The following TMEM245 variants were observed in gnomAD, a reference collection of about 807,000 sequenced individuals.
The protein encoded by TMEM245 is transmembrane protein 245, also known as protein CG-2.
A neutral mutation model predicts 101.2 loss-of-function variants in TMEM245; 69 were observed. The ratio of observed to expected loss-of-function variants is 0.68; its 90% confidence interval spans 0.56 to 0.83. TMEM245 has a LOEUF of 0.83. Ranked by LOEUF, TMEM245 falls within the 40% of genes least tolerant of loss-of-function variation. The pLI is 0.00. For missense variants in TMEM245, 1,075 were observed against 1,092.8 expected, an observed-to-expected ratio of 0.98 and a Z score of 0.23; for synonymous variants, 537 against 449.8, an observed-to-expected ratio of 1.19 and a Z score of -2.45.
At chr9:109,054,628 A>C (rs1361460042) in intron 12 of TMEM245, among the ~76,000 whole-genome samples, 1 of 152,220 alleles carries the variant, frequency 6.6e-6, no homozygotes, top group Non-Finnish European at 1.5e-5. Flanking sequence ...AAAACAAAAA[A>C]AAACTGACAA....
rs1201783018 is a variant in TMEM245 at position 109,018,300 on chromosome 9, G to A, written c.*2160C>T. The A allele has an allele frequency of 1.3e-5, 2 of 152,142 alleles. No individual in the cohort carries two copies. Among genetic ancestry groups the A allele is most frequent in the Non-Finnish European group, 2.9e-5 (2 of 68,028 alleles). 9.4% of individuals were successfully genotyped at this position (152,142 alleles called of 1,614,324 possible). A position where few individuals can be genotyped will look rare whatever the true frequency, so the allele number is the denominator to read the frequency against. ...TTTTAATGCAAAAAATTTAAATTTA[G>A]TATTACATATGATCTGGCTAAGAGC... On this transcript the variant is annotated 3_prime_UTR_variant, in exon 18 of 18. Coordinates refer to ENST00000374586, the MANE Select transcript of TMEM245 (RefSeq NM_032012.4).
rs1830833116 is a variant in TMEM245, at chr9:109,119,461, C to T, written c.453G>A (p.Leu151=). 2.0e-6 allele frequency: 3 copies of T among 1,496,390 alleles called. No individual in the cohort carries two copies. The highest frequency in any genetic ancestry group is 2.5e-5 in the South Asian group (2 of 79,170). 92.7% of individuals were successfully genotyped at this position (1,496,390 alleles called of 1,614,324 possible). Reference sequence around the variant, plus strand: ...ACAGGAGCGGGCCGCCGGCGCCGAGCAGCAGGAGCAGGCGGCGGCGGCGCA... The same window carrying T: ...ACAGGAGCGGGCCGCCGGCGCCGAGTAGCAGGAGCAGGCGGCGGCGGCGCA... The part of the protein sequence containing the change: ...QALRRRRLLL[L]LGAGGPLLYG... Residue 151 remains leucine (L), a synonymous_variant, in exon 1 of 18, where the codon CTG becomes CTA. Coordinates refer to ENST00000374586, the MANE Select transcript of TMEM245 (RefSeq NM_032012.4).
intron 5 of TMEM245, among the ~76,000 whole-genome samples, chr9:109,088,843 G>C (rs1829918218): frequency 6.8e-6 from 1 of 146,604 alleles, no homozygotes. Flanking sequence ...AAAAAGTATG[G>C]AACAATCTAG....
At chr9:109,043,690 C>T (rs576115276) in intron 14 of TMEM245, among the ~76,000 whole-genome samples, 1 of 152,286 alleles carries the variant, frequency 6.6e-6, no homozygotes, top group East Asian at 1.9e-4. Context: ...GAGACTGACA[C>T]ACCAGCCACT....
intron 15 of TMEM245, among the ~76,000 whole-genome samples, chr9:109,037,284 G>A (rs1440379450): frequency 2.0e-5 from 3 of 152,176 alleles, no homozygotes; most frequent in Admixed American, 6.5e-5. Flanking sequence ...TTGACAACAA[G>A]TTGCTCCCTG....
At position 109,016,662 on chromosome 9, in the gene TMEM245, T is replaced by A. The variant is rs931793651; in HGVS notation, c.*3798A>T. On this transcript the variant is annotated 3_prime_UTR_variant, in exon 18 of 18. Transcript: ENST00000374586. The stretch of plus-strand genomic sequence containing the variant: ...GTGGCTGCAGACAGCATGTGTGTTT[T>A]TTTTTTTTTTTTTTTTTGCAGGTTC... 2.8e-5 allele frequency: 1 copy of A among 35,924 alleles called. No individual in the cohort carries two copies. Among genetic ancestry groups the A allele is most frequent in the Non-Finnish European group, 6.2e-5 (1 of 16,138 alleles). 2.2% of individuals were successfully genotyped at this position (35,924 alleles called of 1,614,324 possible).
At chr9:109,061,293 G>GT (rs1438776538) in intron 10 of TMEM245, among the ~76,000 whole-genome samples, 1 of 152,046 alleles carries the variant, frequency 6.6e-6, no homozygotes, top group Non-Finnish European at 1.5e-5. Flanking sequence ...TCCAGCCTGA[G>GT]TAACAGAGTA....
At chr9:109,046,147 T>C (rs911415654) in intron 14 of TMEM245, 2 of 498,726 alleles carry the variant, frequency 4.0e-6, no homozygotes, top group African/African-American at 3.9e-5. Flanking sequence ...TCTTATCTAA[T>C]TCATCAGGAC....
At chr9:109,080,063 T>C (rs1176251084) in intron 8 of TMEM245, among the ~76,000 whole-genome samples, 1 of 152,090 alleles carries the variant, frequency 6.6e-6, no homozygotes, top group African/African-American at 2.4e-5. Context: ...TGCAGTTCTT[T>C]AGCAAATTGG....
chr9:109,072,967 C>A (rs1829379824), intron 9 of TMEM245, among the ~76,000 whole-genome samples: 1 of 152,196 alleles, frequency 6.6e-6, no homozygotes. Flanking sequence ...TCTGCCACTG[C>A]GGAATTATTA....
At chr9:109,076,463 T>G (rs968287424) in intron 8 of TMEM245, among the ~76,000 whole-genome samples, 1 of 151,926 alleles carries the variant, frequency 6.6e-6, no homozygotes, top group South Asian at 2.1e-4. Context: ...CACACCAACA[T>G]GGCACACGTA....
intron 1 of TMEM245, among the ~76,000 whole-genome samples, chr9:109,112,552 A>AG (rs1285754099): frequency 1.3e-5 from 2 of 151,962 alleles, no homozygotes; most frequent in African/African-American, 4.8e-5. Context: ...AAAAAAAAAA[A>AG]AAAGAAAGAC....
intron 1 of TMEM245, among the ~76,000 whole-genome samples, chr9:109,113,612 C>T (rs1018045594): frequency 1.3e-5 from 2 of 152,196 alleles, no homozygotes; most frequent in African/African-American, 2.4e-5. Flanking sequence ...TCATTTCACA[C>T]GATTATCCAC....
chr9:109,089,233 CAA>C (rs5899834), intron 5 of TMEM245, among the ~76,000 whole-genome samples: 29 of 140,540 alleles, frequency 2.1e-4, no homozygotes, highest in Admixed American at 3.5e-4. Context: ...GACCTTGTCT[CAA>C]AAAAAAAAAA....
At chr9:109,072,499 T>C (rs929589977) in intron 9 of TMEM245, among the ~76,000 whole-genome samples, 26 of 152,210 alleles carry the variant, frequency 1.7e-4, no homozygotes, top group Non-Finnish European at 3.2e-4. Context: ...TCAGCGCCTT[T>C]TGCAGCCTCC....
chr9:109,119,370 T>C lies in TMEM245; in HGVS notation c.544A>G (p.Ile182Val). ...CTGAAGTAGTCCAGCCCGCGGCAGA[T>C]GAGCGTGGCAGCGTGCACCAGCAGC... ...QVLLVHAATL[I>V]CRGLDYFSSL... Residue 182 changes from isoleucine (I) to valine (V), a missense_variant, in exon 1 of 18, where the codon ATC becomes GTC. Transcript: ENST00000374586. The C allele has an allele frequency of 1.3e-6, 2 of 1,530,728 alleles. No homozygotes were observed. The highest frequency in any genetic ancestry group is 1.8e-6 in the Non-Finnish European group (2 of 1,142,738). The allele number at this position is 1,530,728 out of a possible 1,614,324, so 94.8% of individuals were successfully genotyped here.
At chr9:109,115,817 A>AC (rs1415613652) in intron 1 of TMEM245, among the ~76,000 whole-genome samples, 2 of 152,100 alleles carry the variant, frequency 1.3e-5, no homozygotes, top group African/African-American at 4.8e-5. Flanking sequence ...GGTGTGAGCA[A>AC]CCGCACCTGG....
At position 109,017,948 on chromosome 9, in the gene TMEM245, G is replaced by A. The variant is rs1429952028; in HGVS notation, c.*2512C>T. 3 of 152,136 alleles carry A rather than the reference G, an allele frequency of 2.0e-5. No homozygotes were observed. The highest frequency in any genetic ancestry group is 4.4e-5 in the Non-Finnish European group (3 of 68,028). 9.4% of individuals were successfully genotyped at this position (152,136 alleles called of 1,614,324 possible). On this transcript the variant is annotated 3_prime_UTR_variant, in exon 18 of 18. Coordinates refer to ENST00000374586, the MANE Select transcript of TMEM245 (RefSeq NM_032012.4). Reference sequence around the variant, plus strand: ...GTCCTTATGCCGTTGCTGTAGCAATGGGGCAGGTCAAGTTTCCTGATCATA... The same window carrying A: ...GTCCTTATGCCGTTGCTGTAGCAATAGGGCAGGTCAAGTTTCCTGATCATA...
At chr9:109,044,130 G>C (rs1003279204) in intron 14 of TMEM245, among the ~76,000 whole-genome samples, 1 of 152,090 alleles carries the variant, frequency 6.6e-6, no homozygotes, top group African/African-American at 2.4e-5. Flanking sequence ...ATAAATCCTA[G>C]GATGAAACTT....
Sources: gnomAD v4.1 joint callset for allele counts (sites outside exome capture counted in the v4.1 genomes callset) on GRCh38, gnomAD v4.1.1 for gene constraint, MANE v1.5 for transcripts, NCBI Gene and HGNC (gene_info 2026-07-23, HGNC 2026-07-21) for gene names.